TMEM178B: variants seen among roughly 807,000 people sequenced by gnomAD.
The protein encoded by TMEM178B is transmembrane protein 178B.
TMEM178B carries 5 observed loss-of-function variants against 31.0 expected under a neutral mutation model. The observed-to-expected ratio is 0.16, with a 90% CI of 0.08 to 0.34. TMEM178B has a LOEUF of 0.34. TMEM178B is among the 10% of genes least tolerant of loss of function. The pLI, the probability that TMEM178B is intolerant of heterozygous loss-of-function variation, is 1.00. For missense variants in TMEM178B, 275 were observed against 400.3 expected, an observed-to-expected ratio of 0.69 and a Z score of 2.67; for synonymous variants, 164 against 164.0, an observed-to-expected ratio of 1.00 and a Z score of 0.00.
chr7:141,283,685 A>G (rs1258116319), intron 2 of TMEM178B, among the ~76,000 whole-genome samples: 6 of 152,226 alleles, frequency 3.9e-5, no homozygotes, highest in East Asian at 1.9e-4. Context: ...TTCTCAGCAC[A>G]TAAGCTTTCT....
At chr7:141,402,930 G>A (rs910980262) in intron 2 of TMEM178B, among the ~76,000 whole-genome samples, 4 of 152,208 alleles carry the variant, frequency 2.6e-5, no homozygotes, top group African/African-American at 9.6e-5. Flanking sequence ...GGAACCTACT[G>A]CCCTTGGCAG....
chr7:141,176,169 G>C lies in TMEM178B; in HGVS notation c.383-36422G>C, dbSNP rs555241523. ...TTTATTGAGAGTTTTTAGCATGAAGGGCTGTTGAATTTTGTCAAAGGCCTT... is the reference window on the plus strand; with the variant it reads ...TTTATTGAGAGTTTTTAGCATGAAGCGCTGTTGAATTTTGTCAAAGGCCTT... On this transcript the variant is annotated intron_variant, in intron 1 of 3. Transcript: ENST00000565468. Among the ~76,000 whole-genome samples, 5 of 152,082 alleles carry C rather than the reference G, an allele frequency of 3.3e-5. No individual in the cohort carries two copies. In the East Asian group the frequency reaches 7.7e-4, roughly 23 times the overall value.
chr7:141,420,090 G>A (rs374009266), intron 2 of TMEM178B, among the ~76,000 whole-genome samples: 6 of 152,142 alleles, frequency 3.9e-5, no homozygotes, highest in Middle Eastern at 3.4e-3. Context: ...TATTGAGAGC[G>A]CTTTCTTGAC....
At chr7:141,299,026 G>A (rs1439275743) in intron 2 of TMEM178B, among the ~76,000 whole-genome samples, 3 of 152,148 alleles carry the variant, frequency 2.0e-5, no homozygotes, top group African/African-American at 7.2e-5. Flanking sequence ...CTGTTTCTGG[G>A]AGGGGTGGGT....
chr7:141,385,988 G>A (rs1463303863), intron 2 of TMEM178B, among the ~76,000 whole-genome samples: 1 of 152,164 alleles, frequency 6.6e-6, no homozygotes, highest in Non-Finnish European at 1.5e-5. Flanking sequence ...TCACACAAAG[G>A]TGACAGATTT....
At chr7:141,170,357 A>G (rs894221286) in intron 1 of TMEM178B, among the ~76,000 whole-genome samples, 1 of 152,212 alleles carries the variant, frequency 6.6e-6, no homozygotes, top group Non-Finnish European at 1.5e-5. Context: ...CAAAATAGGT[A>G]TAATCCGTCT....
chr7:141,207,353 G>T (rs1796983310), intron 1 of TMEM178B, among the ~76,000 whole-genome samples: 1 of 152,084 alleles, frequency 6.6e-6, no homozygotes, highest in Non-Finnish European at 1.5e-5. Flanking sequence ...ATTTTTTGAG[G>T]AACCACCATA....
chr7:141,074,803 G>A lies in TMEM178B; in HGVS notation c.382+111G>A, dbSNP rs1794570742. On this transcript the variant is annotated intron_variant, in intron 1 of 3. Coordinates refer to ENST00000565468, the MANE Select transcript of TMEM178B (RefSeq NM_001195278.2). The surrounding 1 kb of genome is among the most constrained non-coding windows in gnomAD (Gnocchi z 5.1). The stretch of plus-strand genomic sequence containing the variant: ...AGGCTATCAGGTCTCTGGGTTCCAG[G>A]CGGTCCGGTTATCCAGGCCTGGCTG... The A allele has an allele frequency of 7.9e-6, 11 of 1,395,096 alleles. No individual in the cohort carries two copies. Among genetic ancestry groups the A allele is most frequent in the Non-Finnish European group, 9.4e-6 (10 of 1,065,070 alleles). 86.4% of individuals were successfully genotyped at this position (1,395,096 alleles called of 1,614,324 possible). A position where few individuals can be genotyped will look rare whatever the true frequency, so the allele number is the denominator to read the frequency against.
chr7:141,146,094 T>A (rs1330656253), intron 1 of TMEM178B, among the ~76,000 whole-genome samples: 1 of 152,226 alleles, frequency 6.6e-6, no homozygotes, highest in Non-Finnish European at 1.5e-5. Context: ...CTCGGCAAAG[T>A]AGGTGTTAAT....
At chr7:141,467,507 C>T (rs539723810) in intron 3 of TMEM178B, among the ~76,000 whole-genome samples, 48 of 152,300 alleles carry the variant, frequency 3.2e-4, no homozygotes, top group African/African-American at 1.1e-3. Flanking sequence ...TCGGAGCTCC[C>T]AGCTCTGCTC....
intron 2 of TMEM178B, among the ~76,000 whole-genome samples, chr7:141,247,112 T>G (rs1586848613): frequency 6.6e-6 from 1 of 151,982 alleles, no homozygotes; most frequent in African/African-American, 2.4e-5. Flanking sequence ...AATCTTTCGC[T>G]CTCTCTTTCT....
intron 2 of TMEM178B, among the ~76,000 whole-genome samples, chr7:141,223,263 C>A (rs908800916): frequency 2.0e-5 from 3 of 152,126 alleles, no homozygotes; most frequent in Non-Finnish European, 2.9e-5. Context: ...ATAGAGGTGA[C>A]ATTACTATAC....
At chr7:141,185,680 G>T (rs530164889) in intron 1 of TMEM178B, among the ~76,000 whole-genome samples, 79 of 152,250 alleles carry the variant, frequency 5.2e-4, no homozygotes, top group African/African-American at 1.8e-3. Flanking sequence ...GGCACAGGAT[G>T]GGGGTGTGGC....
At chr7:141,290,960 C>T (rs1296399636) in intron 2 of TMEM178B, among the ~76,000 whole-genome samples, 1 of 152,214 alleles carries the variant, frequency 6.6e-6, no homozygotes, top group Non-Finnish European at 1.5e-5. Flanking sequence ...GCCACCTACC[C>T]ATCGCTGGCT....
intron 2 of TMEM178B, among the ~76,000 whole-genome samples, chr7:141,399,121 G>T (rs1800708561): frequency 6.6e-6 from 1 of 152,196 alleles, no homozygotes; most frequent in African/African-American, 2.4e-5. Flanking sequence ...ATTCTGACCA[G>T]ATTTATCTCC....
chr7:141,490,572 A>G, the TMEM178B span, among the ~76,000 whole-genome samples: 1 of 152,180 alleles, frequency 6.6e-6, no homozygotes, highest in Admixed American at 6.5e-5. Flanking sequence ...GAGACAATAC[A>G]TTTCTGTTGT....
At chr7:141,267,099 A>G (rs1798105891) in intron 2 of TMEM178B, among the ~76,000 whole-genome samples, 1 of 152,152 alleles carries the variant, frequency 6.6e-6, no homozygotes, top group Non-Finnish European at 1.5e-5. Flanking sequence ...GAATGTGACA[A>G]CACACAGCAT....
At chr7:141,234,368 A>G (rs1308755221) in intron 2 of TMEM178B, among the ~76,000 whole-genome samples, 1 of 152,180 alleles carries the variant, frequency 6.6e-6, no homozygotes, top group African/African-American at 2.4e-5. Flanking sequence ...GACTTCCCAG[A>G]CAAGAGGGAA....
rs1179943997 is a variant in TMEM178B at position 141,414,075 on chromosome 7, A to ATTT, written c.497-23508_497-23506dup. On this transcript the variant is annotated intron_variant, in intron 2 of 3. Transcript: ENST00000565468. Reference sequence around the variant, plus strand: ...ATTACTTAATTTCTCCAAAAACATCATTTTTTTTTTTTTTTTTTTTTTTTT... The same window carrying ATTT: ...ATTACTTAATTTCTCCAAAAACATCATTTTTTTTTTTTTTTTTTTTTTTTTTTT... Among the ~76,000 whole-genome samples, 32 of 58,338 alleles carry ATTT rather than the reference A, an allele frequency of 5.5e-4. 4 individuals are homozygous for ATTT. The highest frequency in any genetic ancestry group is 7.4e-4 in the Admixed American group (4 of 5,430). The allele number at this position is 58,338 out of a possible 152,430, so 38.3% of individuals were successfully genotyped here. A position where few individuals can be genotyped will look rare whatever the true frequency, so the allele number is the denominator to read the frequency against.
Sources: gnomAD v4.1 joint callset for allele counts (sites outside exome capture counted in the v4.1 genomes callset) on GRCh38, gnomAD v4.1.1 for gene constraint, Gnocchi (gnomAD v3.1) non-coding constraint, MANE v1.5 for transcripts, NCBI Gene and HGNC (gene_info 2026-07-23, HGNC 2026-07-21) for gene names.